The following DSCAM variants were observed in gnomAD, a reference collection of about 807,000 sequenced individuals.
The protein encoded by DSCAM is DS cell adhesion molecule, also known as cell adhesion molecule DSCAM.
A neutral mutation model predicts 217.7 loss-of-function variants in DSCAM; 47 were observed. That is an observed-to-expected ratio of 0.22 (90% CI 0.17 to 0.28). The LOEUF (loss-of-function observed/expected upper bound fraction) is 0.28, where lower values mean the gene tolerates loss of function less well. Among genes scored for constraint, DSCAM ranks in the 10% least tolerant of loss-of-function variants. The probability of loss-of-function intolerance (pLI) is 1.00; values close to 1 mark genes in which losing one functional copy is unlikely to be tolerated. For missense variants in DSCAM, 2,080 were observed against 2,618.3 expected (o/e 0.79, Z 4.49); for synonymous variants, 1,056 against 1,015.3 (o/e 1.04, Z -0.76).
At chr21:40,227,918 T>C (rs2091347518) in intron 11 of DSCAM, among the ~76,000 whole-genome samples, 1 of 152,210 alleles carries the variant, frequency 6.6e-6, no homozygotes, top group African/African-American at 2.4e-5. Context: ...CAAGATCCCA[T>C]CCAGGATCCC....
chr21:40,127,804 T>C (rs2090111151), intron 19 of DSCAM, among the ~76,000 whole-genome samples: 1 of 152,176 alleles, frequency 6.6e-6, no homozygotes, highest in African/African-American at 2.4e-5. Flanking sequence ...GAGGTCCACA[T>C]GGACAGGACA....
At chr21:40,785,429 A>G (rs2091583897) in intron 1 of DSCAM, among the ~76,000 whole-genome samples, 1 of 152,252 alleles carries the variant, frequency 6.6e-6, no homozygotes, top group Admixed American at 6.5e-5. Flanking sequence ...GTGCTCCTGA[A>G]GTTTCCTAAA....
chr21:40,562,361 C>T (rs562596679), intron 3 of DSCAM, among the ~76,000 whole-genome samples: 2 of 152,306 alleles, frequency 1.3e-5, no homozygotes, highest in East Asian at 3.9e-4. Flanking sequence ...TCCCCTTCCG[C>T]CATGATTGTT....
At chr21:40,175,780 TACACACACACACAC>T (rs35339524) in intron 15 of DSCAM, among the ~76,000 whole-genome samples, 9 of 144,850 alleles carry the variant, frequency 6.2e-5, no homozygotes, top group South Asian at 4.5e-4. Flanking sequence ...AACACACACA[TACACACACACACAC>T]ACACACACAC....
chr21:40,313,008 T>C (rs1464263831), intron 8 of DSCAM, among the ~76,000 whole-genome samples: 1 of 151,378 alleles, frequency 6.6e-6, no homozygotes, highest in African/African-American at 2.4e-5. Flanking sequence ...TCCCAGCTAC[T>C]GAGGAGGCCA....
rs35098321 is a variant in DSCAM, at chr21:40,429,052, A to C, written c.509-59807T>G. Among the ~76,000 whole-genome samples the C allele has an allele frequency of 7.8e-3, 1,187 of 152,272 alleles. 16 individuals are homozygous for C. The highest frequency in any genetic ancestry group is 0.027 in the African/African-American group (1,125 of 41,550). On this transcript the variant is annotated intron_variant, in intron 3 of 32. Coordinates refer to ENST00000400454, the MANE Select transcript of DSCAM (RefSeq NM_001389.5). ...CTGAGCTTGCTAGGCAAGGGAGATG[A>C]ACTGGCAACAAGACATAATCTTTGC... is the stretch of plus-strand genomic sequence containing the variant.
intron 3 of DSCAM, among the ~76,000 whole-genome samples, chr21:40,399,259 G>A (rs1439403462): frequency 6.8e-6 from 1 of 147,848 alleles, no homozygotes; most frequent in Non-Finnish European, 1.5e-5. Flanking sequence ...GACAGAGGAA[G>A]ACCCTGTCTC....
At chr21:40,637,578 A>AATATATACAT (rs1215104198) in intron 3 of DSCAM, among the ~76,000 whole-genome samples, 22 of 91,838 alleles carry the variant, frequency 2.4e-4, no homozygotes, top group African/African-American at 9.7e-4. Flanking sequence ...AATATATATA[A>AATATATACAT]ATATATACAT....
At chr21:40,206,880 C>T (rs2091132715) in intron 11 of DSCAM, among the ~76,000 whole-genome samples, 1 of 152,162 alleles carries the variant, frequency 6.6e-6, no homozygotes, top group Admixed American at 6.5e-5. Context: ...CACTGCATTC[C>T]AGCCTGGGCA....
At chr21:40,542,289 C>A (rs539467341) in intron 3 of DSCAM, among the ~76,000 whole-genome samples, 1 of 152,286 alleles carries the variant, frequency 6.6e-6, no homozygotes, top group South Asian at 2.1e-4. Flanking sequence ...AATAAGAGAA[C>A]ATTTTTAGGG....
intron 3 of DSCAM, among the ~76,000 whole-genome samples, chr21:40,375,446 T>C (rs2123712336): frequency 6.6e-6 from 1 of 152,358 alleles, no homozygotes; most frequent in East Asian, 1.9e-4. Flanking sequence ...CATGCTGTAC[T>C]TCTTTTAATT....
At chr21:40,699,706 C>T (rs558240674) in intron 2 of DSCAM, among the ~76,000 whole-genome samples, 1 of 152,302 alleles carries the variant, frequency 6.6e-6, no homozygotes, top group African/African-American at 2.4e-5. Flanking sequence ...CCTTAGCTCT[C>T]TTCAATTCCA....
chr21:40,818,130 A>G (rs1249049482), intron 1 of DSCAM, among the ~76,000 whole-genome samples: 1 of 127,898 alleles, frequency 7.8e-6, no homozygotes, highest in Non-Finnish European at 1.7e-5. Context: ...AAAAAAAAAG[A>G]AGCTCCCGGT....
intron 29 of DSCAM, among the ~76,000 whole-genome samples, chr21:40,055,033 A>G (rs2088991339): frequency 1.3e-5 from 2 of 151,250 alleles, no homozygotes; most frequent in Admixed American, 1.3e-4. Context: ...CTCCGGAATA[A>G]ATAGAATAAT....
chr21:40,297,803 A>G (rs2073971409), intron 9 of DSCAM, among the ~76,000 whole-genome samples: 1 of 152,246 alleles, frequency 6.6e-6, no homozygotes. Flanking sequence ...CACATGAAGA[A>G]GCACCAGAAA....
In DSCAM at chr21:40,400,955, A is replaced by G. The variant is rs74354333; in HGVS notation, c.509-31710T>C. ...ATATAATCACTGATCTCATCACAAA[A>G]GTTCTTTAAATATTGGGAGGCTGTC... On this transcript the variant is annotated intron_variant, in intron 3 of 32. Transcript: ENST00000400454. 3.9e-5 allele frequency among the ~76,000 whole-genome samples: 6 copies of G among 152,338 alleles called. No individual in the cohort carries two copies. In the East Asian group the frequency reaches 1.2e-3, roughly 29 times the overall value.
chr21:40,116,638 A>G (rs1734936), intron 20 of DSCAM, among the ~76,000 whole-genome samples: 116,248 of 151,382 alleles, frequency 0.77, 44,811 homozygotes, highest in South Asian at 0.81. Flanking sequence ...AATGGAATAC[A>G]ATTGTCTATT....
At chr21:40,685,984 C>G (rs1050980298) in intron 3 of DSCAM, among the ~76,000 whole-genome samples, 18 of 152,168 alleles carry the variant, frequency 1.2e-4, no homozygotes, top group Non-Finnish European at 2.1e-4. Context: ...AACGCCTTTC[C>G]CTAGGCCACC....
chr21:40,173,632 G>A (rs1459797469), intron 15 of DSCAM, among the ~76,000 whole-genome samples: 3 of 152,218 alleles, frequency 2.0e-5, no homozygotes, highest in East Asian at 3.9e-4. Flanking sequence ...AGCACTGCTA[G>A]CCCTGTGTTT....
Sources: allele counts gnomAD v4.1 joint callset (sites outside exome capture counted in the v4.1 genomes callset), GRCh38; gene constraint gnomAD v4.1.1; transcripts MANE v1.5; gene names NCBI Gene and HGNC (gene_info 2026-07-23, HGNC 2026-07-21).